Variants in PIBF1 observed in about 807,000 individuals in gnomAD.
PIBF1 encodes the protein progesterone-induced-blocking factor 1.
Under a neutral mutation model 112.5 loss-of-function variants are expected in PIBF1, and 90 were observed. The ratio of observed to expected loss-of-function variants is 0.80; its 90% CI spans 0.67 to 0.95. The LOEUF is 0.95. Among genes scored for constraint, PIBF1 ranks in the 40% least tolerant of loss-of-function variants. The pLI, the probability that PIBF1 is intolerant of heterozygous loss-of-function variation, is 0.00. For synonymous variants in PIBF1, 301 were observed against 288.6 expected (o/e 1.04, Z -0.44); for missense variants, 915 against 852.3 (o/e 1.07, Z -0.92).
chr13:72,943,138 C>T (rs966960491), intron 14 of PIBF1, among the ~76,000 whole-genome samples: 15 of 151,972 alleles, frequency 9.9e-5, no homozygotes, highest in Admixed American at 7.2e-4. Context: ...AACTTTAATT[C>T]ATCAGCCTAT....
chr13:73,003,588 G>A (rs1214908694), intron 17 of PIBF1, among the ~76,000 whole-genome samples: 1 of 151,904 alleles, frequency 6.6e-6, no homozygotes, highest in Non-Finnish European at 1.5e-5. Context: ...AATTCAAGAA[G>A]CATTTACTGA....
chr13:72,923,964 C>CA (rs1306876643), intron 13 of PIBF1, among the ~76,000 whole-genome samples: 2 of 151,554 alleles, frequency 1.3e-5, no homozygotes, highest in African/African-American at 2.4e-5. Flanking sequence ...AACTCTAACT[C>CA]AAAAAAAAAT....
intron 16 of PIBF1, 135 bp from the exon 17 acceptor site, chr13:72,998,687 T>C (rs1394472709): frequency 1.7e-6 from 1 of 602,458 alleles, no homozygotes; most frequent in Non-Finnish European, 2.9e-6. Context: ...ATGATTCTAA[T>C]TACTATTTTA....
At chr13:72,916,080 G>GT (rs914323093) in intron 12 of PIBF1, among the ~76,000 whole-genome samples, 12 of 151,454 alleles carry the variant, frequency 7.9e-5, no homozygotes, top group African/African-American at 2.7e-4. Context: ...TGTTTTGGGG[G>GT]TTTTTTTTGA....
intron 17 of PIBF1, among the ~76,000 whole-genome samples, chr13:73,014,382 T>C (rs1024956524): frequency 6.6e-6 from 1 of 152,140 alleles, no homozygotes; most frequent in African/African-American, 2.4e-5. Context: ...AAAACAAAAC[T>C]ACAGACCAAT....
chr13:72,845,295 T>A (rs924619450), intron 9 of PIBF1, among the ~76,000 whole-genome samples: 2 of 152,196 alleles, frequency 1.3e-5, no homozygotes, highest in African/African-American at 4.8e-5. Context: ...TTCGTATCCA[T>A]GTCCCTGCAA....
At chr13:72,815,786 C>T (rs896627447) in intron 5 of PIBF1, among the ~76,000 whole-genome samples, 3 of 152,156 alleles carry the variant, frequency 2.0e-5, no homozygotes, top group South Asian at 2.1e-4. Context: ...CCACATCAGC[C>T]GCTTGAGTAG....
rs1156334355 is a variant in PIBF1 at position 72,844,728 on chromosome 13, TACACACACACACACACACACACACACAC to T, written c.1224-9284_1224-9257del. 1.0e-3 allele frequency among the ~76,000 whole-genome samples: 53 copies of T among 53,244 alleles called. 2 individuals are homozygous for T. Among genetic ancestry groups the T allele is most frequent in the South Asian group, 3.4e-3 (4 of 1,164 alleles). The allele number at this position is 53,244 out of a possible 152,430, so 34.9% of individuals were successfully genotyped here. ...TTATAAAAGCATCTGTAATTTTATT[TACACACACACACACACACACACACACAC>T]ACACACACACACACACACACACACA... On this transcript the variant is annotated intron_variant, in intron 9 of 17. Coordinates refer to ENST00000326291, the MANE Select transcript of PIBF1 (RefSeq NM_006346.4).
At chr13:72,844,777 A>G (rs1000647890) in intron 9 of PIBF1, among the ~76,000 whole-genome samples, 4 of 134,352 alleles carry the variant, frequency 3.0e-5, no homozygotes, top group African/African-American at 8.8e-5. Flanking sequence ...ACACACACAC[A>G]CACACACACA....
At chr13:72,796,520 G>A (rs2035206647) in intron 4 of PIBF1, among the ~76,000 whole-genome samples, 1 of 152,160 alleles carries the variant, frequency 6.6e-6, no homozygotes, top group Admixed American at 6.5e-5. Flanking sequence ...GTGCTTAGAA[G>A]ATAGTAAACA....
At chr13:73,005,465 C>A (rs2044003883) in intron 17 of PIBF1, among the ~76,000 whole-genome samples, 1 of 151,036 alleles carries the variant, frequency 6.6e-6, no homozygotes, top group Non-Finnish European at 1.5e-5. Flanking sequence ...CAGAACAAGA[C>A]CCTGTCTCAA....
At chr13:72,797,414 A>G (rs1229856275) in intron 4 of PIBF1, among the ~76,000 whole-genome samples, 1 of 152,204 alleles carries the variant, frequency 6.6e-6, no homozygotes. Context: ...CTACAGAGAA[A>G]AGAGCAGGGG....
chr13:72,993,286 C>T (rs577759411), intron 16 of PIBF1, among the ~76,000 whole-genome samples: 1 of 151,476 alleles, frequency 6.6e-6, no homozygotes, highest in South Asian at 2.1e-4. Flanking sequence ...GATTGTGCCA[C>T]TGCACTCCAG....
chr13:72,793,699 A>AT (rs1448445277), intron 3 of PIBF1, among the ~76,000 whole-genome samples: 9 of 152,194 alleles, frequency 5.9e-5, no homozygotes, highest in Non-Finnish European at 8.8e-5. Flanking sequence ...GATTCTGAAT[A>AT]TTTTTTGGAG....
At chr13:72,835,503 T>C in intron 9 of PIBF1, 135 bp downstream of exon 9, 1 of 597,720 alleles carries the variant, frequency 1.7e-6, no homozygotes, top group Non-Finnish European at 2.7e-6. Flanking sequence ...AATTGAAATC[T>C]AAGTATAATG....
intron 14 of PIBF1, among the ~76,000 whole-genome samples, chr13:72,946,061 G>A (rs191297975): frequency 1.2e-4 from 19 of 152,170 alleles, no homozygotes; most frequent in Admixed American, 1.2e-3. Flanking sequence ...AGGTTGGCAA[G>A]TGTATTAGTC....
At chr13:72,909,355 G>T (rs1188441807) in intron 12 of PIBF1, among the ~76,000 whole-genome samples, 1 of 152,118 alleles carries the variant, frequency 6.6e-6, no homozygotes, top group African/African-American at 2.4e-5. Context: ...CAAATAATTA[G>T]AGTAGCAAGA....
intron 17 of PIBF1, among the ~76,000 whole-genome samples, chr13:73,012,810 A>T (rs1238883339): frequency 6.6e-6 from 1 of 151,886 alleles, no homozygotes; most frequent in African/African-American, 2.4e-5. Flanking sequence ...AACCTCTAAA[A>T]AAGAGAATAT....
At chr13:72,938,360 C>T (rs1341768605) in intron 14 of PIBF1, among the ~76,000 whole-genome samples, 1 of 152,040 alleles carries the variant, frequency 6.6e-6, no homozygotes, top group Admixed American at 6.6e-5. Context: ...ACTCCCCATT[C>T]CCGCCTCCAC....
Sources: allele counts gnomAD v4.1 joint callset (sites outside exome capture counted in the v4.1 genomes callset), GRCh38; gene constraint gnomAD v4.1.1; transcripts MANE v1.5; gene names NCBI Gene and HGNC (gene_info 2026-07-23, HGNC 2026-07-21).